ADCY1: variants seen among roughly 807,000 people sequenced by gnomAD.
ADCY1 encodes adenylate cyclase type 1.
ADCY1 carries 28 observed loss-of-function variants against 105.4 expected under a neutral mutation model. The observed-to-expected ratio is 0.27, with a 90% CI of 0.20 to 0.36. The LOEUF is 0.36. ADCY1 is among the 10% of genes least tolerant of loss of function. The pLI is 1.00. For missense variants in ADCY1, 977 were observed against 1,434.2 expected, an observed-to-expected ratio of 0.68 and a Z score of 5.15; for synonymous variants, 655 against 623.8, an observed-to-expected ratio of 1.05 and a Z score of -0.75.
intron 2 of ADCY1, among the ~76,000 whole-genome samples, chr7:45,603,640 T>C (rs1156881943): frequency 1.3e-5 from 2 of 152,166 alleles, no homozygotes; most frequent in East Asian, 1.9e-4. Context: ...ACAGCCAAGA[T>C]ATGGAACATC....
intron 14 of ADCY1, among the ~76,000 whole-genome samples, chr7:45,693,293 C>T (rs1052553449): frequency 6.8e-6 from 1 of 147,892 alleles, no homozygotes; most frequent in South Asian, 2.3e-4. Flanking sequence ...GTCTAAAATT[C>T]TCTTTTTTGG....
At chr7:45,657,952 C>T (rs956854473) in intron 6 of ADCY1, 67 bp downstream of exon 6, 32 of 1,515,214 alleles carry the variant, frequency 2.1e-5, no homozygotes, top group African/African-American at 5.5e-5. Context: ...GGGCTAAATC[C>T]TTGCTTCAGG....
intron 19 of ADCY1, among the ~76,000 whole-genome samples, chr7:45,711,962 TATAA>T (rs1785257868): frequency 1.1e-5 from 1 of 87,876 alleles, no homozygotes; most frequent in Non-Finnish European, 2.3e-5. Flanking sequence ...ATATTAAATA[TATAA>T]ATACATATTA....
intron 2 of ADCY1, among the ~76,000 whole-genome samples, chr7:45,599,705 C>T (rs1308035159): frequency 6.6e-6 from 1 of 151,766 alleles, no homozygotes; most frequent in Non-Finnish European, 1.5e-5. Context: ...CAACTCACTG[C>T]AACCTCCGCC....
At chr7:45,679,587 C>G in intron 10 of ADCY1, 122 bp from the exon 11 acceptor site, 1 of 938,728 alleles carries the variant, frequency 1.1e-6, no homozygotes, top group Non-Finnish European at 1.7e-6. Flanking sequence ...TCCAGGTTAA[C>G]GATGCTGCTT....
chr7:45,663,645 C>G (rs1057014250), intron 8 of ADCY1, among the ~76,000 whole-genome samples: 12 of 152,070 alleles, frequency 7.9e-5, no homozygotes, highest in African/African-American at 2.9e-4. Context: ...ATGATGAAAC[C>G]CCATCTGTAC....
chr7:45,616,769 C>T (rs1023444192), intron 3 of ADCY1, among the ~76,000 whole-genome samples: 1 of 152,154 alleles, frequency 6.6e-6, no homozygotes, highest in Non-Finnish European at 1.5e-5. Flanking sequence ...CAATGATATC[C>T]ACCCTCACCA....
At position 45,648,343 on chromosome 7, in the gene ADCY1, G is replaced by A. The variant is rs551349496; in HGVS notation, c.1021-327G>A. 2.0e-5 allele frequency among the ~76,000 whole-genome samples: 3 copies of A among 152,356 alleles called. No individual in the cohort carries two copies. In the South Asian group the frequency reaches 6.2e-4, roughly 32 times the overall value. On this transcript the variant is annotated intron_variant, in intron 4 of 19. Transcript: ENST00000297323. The stretch of plus-strand genomic sequence containing the variant: ...AAGGGAGTTGGGGAAGATGCCCCAT[G>A]GAGATGGCATTCCAGCCGGACCTTG...
intron 4 of ADCY1, among the ~76,000 whole-genome samples, chr7:45,640,711 T>C (rs1438078114): frequency 6.6e-6 from 1 of 152,234 alleles, no homozygotes; most frequent in Non-Finnish European, 1.5e-5. Flanking sequence ...CAGGGACATA[T>C]GTTAAGATGT....
Position 45,722,322 on chromosome 7 carries a change from T to TA in ADCY1, c.*8328dup, listed in dbSNP as rs1392923602. 1 of 152,938 alleles carries TA rather than the reference T, an allele frequency of 6.5e-6. No individual in the cohort carries two copies. The highest frequency in any genetic ancestry group is 2.4e-5 in the African/African-American group (1 of 41,482). The allele number at this position is 152,938 out of a possible 1,614,324, so 9.5% of individuals were successfully genotyped here. On this transcript the variant is annotated 3_prime_UTR_variant, in exon 20 of 20. Transcript: ENST00000297323. The stretch of plus-strand genomic sequence containing the variant: ...TGAAAACTCCTAATGGTGTGGAACT[T>TA]AGTTTGAATTTGAAATCACGCCGCA...
chr7:45,596,793 A>G (rs1474503476), intron 2 of ADCY1, among the ~76,000 whole-genome samples: 2 of 152,186 alleles, frequency 1.3e-5, no homozygotes, highest in African/African-American at 4.8e-5. Flanking sequence ...AGAGTGGGGC[A>G]GGGCTGGCTC....
At chr7:45,597,749 T>A (rs567983461) in intron 2 of ADCY1, among the ~76,000 whole-genome samples, 1 of 152,248 alleles carries the variant, frequency 6.6e-6, no homozygotes, top group African/African-American at 2.4e-5. Flanking sequence ...GCTCTCACTC[T>A]CCTCCCGTCC....
chr7:45,602,996 T>C (rs959171285), intron 2 of ADCY1, among the ~76,000 whole-genome samples: 2 of 152,200 alleles, frequency 1.3e-5, no homozygotes, highest in Non-Finnish European at 2.9e-5. Flanking sequence ...AGGCACCCAC[T>C]AATTTACTTT....
chr7:45,704,421 T>G, intron 16 of ADCY1, 97 bp from the exon 17 acceptor site: 1 of 964,816 alleles, frequency 1.0e-6, no homozygotes, highest in Non-Finnish European at 1.6e-6. Context: ...TTCCTGAATG[T>G]GTCCATCGGC....
intron 1 of ADCY1, among the ~76,000 whole-genome samples, chr7:45,585,322 A>C (rs1409519799): frequency 6.6e-6 from 1 of 152,012 alleles, no homozygotes; most frequent in Non-Finnish European, 1.5e-5. Context: ...AATATCTCTG[A>C]TAGTTAATTT....
chr7:45,583,256 C>T (rs894874686), intron 1 of ADCY1, among the ~76,000 whole-genome samples: 15 of 152,132 alleles, frequency 9.9e-5, no homozygotes, highest in African/African-American at 1.9e-4. Flanking sequence ...TGTTTCCATG[C>T]GTGTATGCTT....
intron 4 of ADCY1, among the ~76,000 whole-genome samples, chr7:45,623,124 G>C (rs1488912014): frequency 1.3e-5 from 2 of 152,184 alleles, no homozygotes; most frequent in Non-Finnish European, 2.9e-5. Flanking sequence ...CTCTACTGGA[G>C]CAGGCCTGAT....
In ADCY1 at chr7:45,706,151, C is replaced by T. The variant is rs529704613; in HGVS notation, c.2817+1535C>T. On this transcript the variant is annotated intron_variant, in intron 17 of 19. Coordinates refer to ENST00000297323, the MANE Select transcript of ADCY1 (RefSeq NM_021116.4). ...TTTGATTTATAGATTTAACACAAGT[C>T]CAATCGGAACTCCACCACCATATTC... Among the ~76,000 whole-genome samples the T allele has an allele frequency of 8.5e-5, 13 of 152,210 alleles. No individual in the cohort carries two copies. In the East Asian group the frequency reaches 2.5e-3, roughly 29 times the overall value.
At chr7:45,713,408 T>C (rs943546407) in intron 19 of ADCY1, among the ~76,000 whole-genome samples, 1 of 152,224 alleles carries the variant, frequency 6.6e-6, no homozygotes, top group African/African-American at 2.4e-5. Flanking sequence ...CCTCCTATTG[T>C]CCAGGGAACA....
Sources: gnomAD v4.1 joint callset for allele counts (sites outside exome capture counted in the v4.1 genomes callset) on GRCh38, gnomAD v4.1.1 for gene constraint, MANE v1.5 for transcripts, NCBI Gene and HGNC (gene_info 2026-07-23, HGNC 2026-07-21) for gene names.